ATAD2B: variants seen among roughly 807,000 people sequenced by gnomAD.
ATAD2B encodes the protein ATPase family AAA domain containing 2B.
A neutral mutation model predicts 167.6 loss-of-function variants in ATAD2B; 40 were observed. That is an observed-to-expected ratio of 0.24 (90% CI 0.19 to 0.31). ATAD2B has a LOEUF of 0.31. ATAD2B is among the 10% of genes least tolerant of loss of function. The pLI, the probability that ATAD2B is intolerant of heterozygous loss-of-function variation, is 1.00. For missense variants in ATAD2B, 1,242 were observed against 1,757.2 expected (o/e 0.71, Z 5.24); for synonymous variants, 579 against 596.5 (o/e 0.97, Z 0.43).
At chr2:23,896,108 G>A in intron 1 of ATAD2B, 138 bp from the exon 2 acceptor site, 2 of 505,328 alleles carry the variant, frequency 4.0e-6, no homozygotes, top group Non-Finnish European at 6.7e-6. Context: ...TTGAGGTCAG[G>A]AGTTCAAGAC....
intron 18 of ATAD2B, among the ~76,000 whole-genome samples, chr2:23,799,347 C>A (rs1683092062): frequency 6.6e-6 from 1 of 151,818 alleles, no homozygotes; most frequent in Non-Finnish European, 1.5e-5. Flanking sequence ...CTGAGACAGG[C>A]AGATCACTTG....
At chr2:23,863,863 T>C (rs183222168) in intron 11 of ATAD2B, among the ~76,000 whole-genome samples, 350 of 152,250 alleles carry the variant, frequency 2.3e-3, no homozygotes, top group African/African-American at 8.2e-3. Flanking sequence ...TCAAAAGGAA[T>C]GATAGATAGA....
At chr2:23,703,414 G>A in the ATAD2B span, 1 of 1,428,028 alleles carries the variant, frequency 7.0e-7, no homozygotes, top group South Asian at 1.5e-5. Flanking sequence ...CCAGGGCCAG[G>A]GTCGCATCCC....
At chr2:23,824,772 T>A (rs1044032852) in intron 15 of ATAD2B, among the ~76,000 whole-genome samples, 1 of 152,222 alleles carries the variant, frequency 6.6e-6, no homozygotes, top group Non-Finnish European at 1.5e-5. Context: ...CATGCTCTGT[T>A]GCATCCTTGT....
At chr2:23,842,593 T>C (rs1195299385) in intron 13 of ATAD2B, among the ~76,000 whole-genome samples, 1 of 152,070 alleles carries the variant, frequency 6.6e-6, no homozygotes, top group Admixed American at 6.6e-5. Flanking sequence ...AGAGAGAATA[T>C]GCAACAGGGG....
intron 2 of ATAD2B, among the ~76,000 whole-genome samples, chr2:23,891,915 T>G (rs111350112): frequency 2.6e-5 from 4 of 152,234 alleles, no homozygotes; most frequent in African/African-American, 9.6e-5. Context: ...AATATCAGAC[T>G]TAAAAATCAT....
In ATAD2B at chr2:23,926,559, G is replaced by C; in HGVS notation, c.212C>G (p.Ala71Gly). 1 of 1,550,156 alleles carries C rather than the reference G, an allele frequency of 6.5e-7. No homozygotes were observed. Among genetic ancestry groups the C allele is most frequent in the Non-Finnish European group, 8.7e-7 (1 of 1,149,122 alleles). The change falls in exon 1 of 28, where the codon GCC becomes GGC. Residue 71 changes from alanine (A) to glycine (G), a missense_variant. By Grantham distance (60) the Ala-to-Gly change is moderately conservative. This residue lies in a region of ATAD2B where 199 missense variants were observed against 194.9 expected (regional missense o/e 1.02). Transcript: ENST00000238789. ...SGGAGVTLDEARKVEVDGSLS... is the reference protein window; with the variant it reads ...SGGAGVTLDEGRKVEVDGSLS... ...CTCGGGACGCCGCGCTCTTACCCTG[G>C]CCTCATCCAGAGTGACGCCGGCGCC...
At chr2:23,826,323 G>C (rs1282233299) in intron 15 of ATAD2B, among the ~76,000 whole-genome samples, 1 of 152,114 alleles carries the variant, frequency 6.6e-6, no homozygotes, top group Non-Finnish European at 1.5e-5. Flanking sequence ...TAGGCCTCTT[G>C]TCCTGTCATA....
At chr2:23,772,099 CCAAA>C (rs995415868) in intron 22 of ATAD2B, among the ~76,000 whole-genome samples, 2 of 152,018 alleles carry the variant, frequency 1.3e-5, no homozygotes, top group Admixed American at 6.6e-5. Context: ...CCAATGCCTT[CCAAA>C]CAGTTTTTCT....
At chr2:23,759,906 G>T (rs1048095278) in intron 24 of ATAD2B, among the ~76,000 whole-genome samples, 1 of 152,204 alleles carries the variant, frequency 6.6e-6, no homozygotes, top group Non-Finnish European at 1.5e-5. Flanking sequence ...CTGCAAGTTA[G>T]CGCTATTAGG....
At chr2:23,867,459 C>G (rs551396283) in intron 10 of ATAD2B, among the ~76,000 whole-genome samples, 2 of 152,322 alleles carry the variant, frequency 1.3e-5, no homozygotes, top group African/African-American at 4.8e-5. Context: ...ACAGCAACAT[C>G]CAGTCTCCCT....
intron 1 of ATAD2B, among the ~76,000 whole-genome samples, chr2:23,920,869 T>C (rs1190583358): frequency 6.6e-6 from 1 of 152,070 alleles, no homozygotes; most frequent in African/African-American, 2.4e-5. Context: ...ACAAAAGAAG[T>C]GTAAAACATT....
At chr2:23,695,451 C>T in the ATAD2B span, among the ~76,000 whole-genome samples, 1 of 152,158 alleles carries the variant, frequency 6.6e-6, no homozygotes. The surrounding 1 kb of genome is among the most constrained non-coding windows in gnomAD (Gnocchi z 7.6). Context: ...TCCACACCTC[C>T]AGCTGACTAG....
intron 14 of ATAD2B, among the ~76,000 whole-genome samples, chr2:23,832,046 G>C (rs1572951127): frequency 6.6e-6 from 1 of 152,282 alleles, no homozygotes; most frequent in Middle Eastern, 3.4e-3. Flanking sequence ...GTTCTCATCA[G>C]ATTCACTGAC....
intron 22 of ATAD2B, among the ~76,000 whole-genome samples, chr2:23,782,139 A>T (rs1459411536): frequency 6.6e-6 from 1 of 152,136 alleles, no homozygotes; most frequent in Non-Finnish European, 1.5e-5. Flanking sequence ...TTTATCAATC[A>T]CAGCTTTATT....
At chr2:23,692,064 C>T in the ATAD2B span, among the ~76,000 whole-genome samples, 9 of 152,234 alleles carry the variant, frequency 5.9e-5, no homozygotes, top group Non-Finnish European at 1.2e-4. Context: ...CTCTCTTTCC[C>T]TGGCATGGAA....
the ATAD2B span, among the ~76,000 whole-genome samples, chr2:23,736,330 A>G: frequency 6.6e-6 from 1 of 152,296 alleles, no homozygotes; most frequent in South Asian, 2.1e-4. Context: ...CCTTCTGGAA[A>G]GCAGGTTTTT....
intron 5 of ATAD2B, 108 bp downstream of exon 5, chr2:23,885,619 A>AG: frequency 1.7e-6 from 1 of 589,090 alleles, no homozygotes; most frequent in South Asian, 2.3e-5. Flanking sequence ...ATGAAGACGA[A>AG]GGAACACTCA....
intron 22 of ATAD2B, among the ~76,000 whole-genome samples, chr2:23,772,601 C>A (rs1044153511): frequency 2.6e-5 from 4 of 152,074 alleles, no homozygotes; most frequent in African/African-American, 4.8e-5. Context: ...TCTATCCCAA[C>A]ACTACCCTAA....
Sources: gnomAD v4.1 joint callset for allele counts (sites outside exome capture counted in the v4.1 genomes callset) on GRCh38, gnomAD v4.1.1 for gene constraint, gnomAD v4.1.1 regional missense constraint, Gnocchi (gnomAD v3.1) non-coding constraint, MANE v1.5 for transcripts, NCBI Gene and HGNC (gene_info 2026-07-23, HGNC 2026-07-21) for gene names.